Variants in RAB27B observed in about 807,000 individuals in gnomAD.
The protein encoded by RAB27B is RAB27B, member RAS oncogene family, also known as ras-related protein Rab-27B.
A neutral mutation model predicts 24.6 loss-of-function variants in RAB27B; 15 were observed. The observed-to-expected ratio is 0.61, with a 90% CI of 0.41 to 0.94. The LOEUF (loss-of-function observed/expected upper bound fraction) is 0.94, where lower values mean the gene tolerates loss of function less well. Among genes scored for constraint, RAB27B ranks in the 40% least tolerant of loss-of-function variants. RAB27B has a pLI of 0.00. For synonymous variants in RAB27B, 105 were observed against 92.5 expected, an observed-to-expected ratio of 1.14 and a Z score of -0.78; for missense variants, 261 against 266.8, an observed-to-expected ratio of 0.98 and a Z score of 0.15.
intron 2 of RAB27B, among the ~76,000 whole-genome samples, chr18:54,765,569 C>T (rs1465409604): frequency 6.6e-6 from 1 of 152,088 alleles, no homozygotes; most frequent in Non-Finnish European, 1.5e-5. Flanking sequence ...ATCCCAATGC[C>T]TTCATTTGTA....
At chr18:54,719,303 A>T (rs191140162) in intron 2 of RAB27B, among the ~76,000 whole-genome samples, 2 of 152,218 alleles carry the variant, frequency 1.3e-5, no homozygotes, top group East Asian at 3.9e-4. Flanking sequence ...AAATGTATCT[A>T]TAGTTCCCTT....
intron 2 of RAB27B, 94 bp downstream of exon 2, chr18:54,877,832 T>C (rs1421479250): frequency 7.8e-7 from 1 of 1,285,378 alleles, no homozygotes; most frequent in African/African-American, 1.6e-5. Flanking sequence ...AGTCTGTCTT[T>C]TGTCACACGA....
At position 54,894,032 on chromosome 18, in the gene RAB27B, G is replaced by T. The variant is rs1223005923; in HGVS notation, c.*4619G>T. The T allele has an allele frequency of 6.6e-6, 1 of 151,732 alleles. No individual in the cohort carries two copies. The highest frequency in any genetic ancestry group is 2.4e-5 in the African/African-American group (1 of 41,320). 9.4% of individuals were successfully genotyped at this position (151,732 alleles called of 1,614,324 possible). ...AATGTGATACACTTAGAGACATTTT[G>T]TTTATTGCATATAAATCTAATTTTT... On this transcript the variant is annotated 3_prime_UTR_variant, in exon 6 of 6. Coordinates refer to ENST00000262094, the MANE Select transcript of RAB27B (RefSeq NM_004163.4).
intron 1 of RAB27B, among the ~76,000 whole-genome samples, chr18:54,845,616 G>A (rs75112034): frequency 0.015 from 2,237 of 151,954 alleles, 44 homozygotes; most frequent in African/African-American, 0.051. Context: ...TGGACCCCCT[G>A]ACTGCCCCCT....
At chr18:54,797,887 C>G (rs537096963) in intron 2 of RAB27B, among the ~76,000 whole-genome samples, 1 of 152,306 alleles carries the variant, frequency 6.6e-6, no homozygotes, top group Admixed American at 6.5e-5. Flanking sequence ...TCACCATCAA[C>G]TTGTAGTTCT....
At chr18:54,760,499 T>TCA (rs1469899996) in intron 2 of RAB27B, among the ~76,000 whole-genome samples, 19 of 152,194 alleles carry the variant, frequency 1.2e-4, no homozygotes, top group Non-Finnish European at 2.6e-4. Context: ...TTTAAAGTTT[T>TCA]GAAAATATCA....
At chr18:54,791,342 G>T (rs1373870354) in intron 2 of RAB27B, among the ~76,000 whole-genome samples, 1 of 152,214 alleles carries the variant, frequency 6.6e-6, no homozygotes, top group Non-Finnish European at 1.5e-5. Flanking sequence ...GGGAGGCTGA[G>T]GCTAGAGGAC....
intron 2 of RAB27B, among the ~76,000 whole-genome samples, chr18:54,728,903 C>CAAAAACAAAA (rs1909634988): frequency 1.5e-5 from 1 of 68,254 alleles, no homozygotes; most frequent in Non-Finnish European, 2.5e-5. Context: ...AAAAAAAACC[C>CAAAAACAAAA]AAAAAAAAAA....
intron 1 of RAB27B, among the ~76,000 whole-genome samples, chr18:54,867,497 A>G (rs1228432771): frequency 3.9e-5 from 5 of 127,238 alleles, no homozygotes; most frequent in African/African-American, 5.9e-5. Flanking sequence ...CCCAGAATGG[A>G]GTGCAGTGAC....
chr18:54,889,153 C>T (rs565878217), intron 5 of RAB27B, 71 bp from the exon 6 acceptor site: 11 of 1,388,338 alleles, frequency 7.9e-6, no homozygotes, highest in East Asian at 7.3e-5. Context: ...ATGTGTGATT[C>T]ACTTGTACAT....
intron 1 of RAB27B, among the ~76,000 whole-genome samples, chr18:54,833,558 A>G (rs1247229730): frequency 6.6e-6 from 1 of 152,176 alleles, no homozygotes; most frequent in Non-Finnish European, 1.5e-5. Context: ...ATGAAAGAAA[A>G]TAGCCTTCAA....
intron 1 of RAB27B, among the ~76,000 whole-genome samples, chr18:54,864,735 C>T (rs986458063): frequency 6.6e-6 from 1 of 152,094 alleles, no homozygotes. Context: ...TTTCTAGATT[C>T]CCAGTTGTCT....
intron 2 of RAB27B, among the ~76,000 whole-genome samples, chr18:54,765,619 AG>A (rs1443685191): frequency 6.6e-6 from 1 of 152,178 alleles, no homozygotes; most frequent in African/African-American, 2.4e-5. Flanking sequence ...TTACTGCCTT[AG>A]GGTTTTGCTT....
intron 2 of RAB27B, among the ~76,000 whole-genome samples, chr18:54,800,020 G>A (rs1909552412): frequency 6.6e-6 from 1 of 152,090 alleles, no homozygotes; most frequent in Admixed American, 6.5e-5. Context: ...TCAACCAACA[G>A]GAACTTGAAC....
At chr18:54,741,796 C>T (rs903196105) in intron 2 of RAB27B, among the ~76,000 whole-genome samples, 4 of 152,192 alleles carry the variant, frequency 2.6e-5, no homozygotes, top group Non-Finnish European at 5.9e-5. Flanking sequence ...ACCACTGTAC[C>T]TGGCCTCTAA....
intron 1 of RAB27B, among the ~76,000 whole-genome samples, chr18:54,844,408 C>CTTTTTTTTTTTTTTTTTTT (rs148747981): frequency 2.8e-5 from 3 of 107,878 alleles, no homozygotes; most frequent in African/African-American, 6.7e-5. Flanking sequence ...CTTTTCTTTT[C>CTTTTTTTTTTTTTTTTTTT]TTTTTTTTTT....
chr18:54,796,826 G>T (rs890689387), intron 2 of RAB27B, among the ~76,000 whole-genome samples: 2 of 152,196 alleles, frequency 1.3e-5, no homozygotes, highest in Admixed American at 6.5e-5. Flanking sequence ...TGGACCCCTA[G>T]ACTGGGACCC....
At chr18:54,751,288 AG>A (rs1397175225) in intron 2 of RAB27B, among the ~76,000 whole-genome samples, 1 of 152,118 alleles carries the variant, frequency 6.6e-6, no homozygotes, top group Non-Finnish European at 1.5e-5. Context: ...GACAAGGGGA[AG>A]TGATGTAGAG....
chr18:54,793,150 T>G (rs1490522574), intron 2 of RAB27B, among the ~76,000 whole-genome samples: 2 of 152,262 alleles, frequency 1.3e-5, no homozygotes, highest in African/African-American at 4.8e-5. Flanking sequence ...TATGATATTA[T>G]TATGTGAAAA....
Sources: allele counts gnomAD v4.1 joint callset (sites outside exome capture counted in the v4.1 genomes callset), GRCh38; gene constraint gnomAD v4.1.1; transcripts MANE v1.5; gene names NCBI Gene and HGNC (gene_info 2026-07-23, HGNC 2026-07-21).